The following SYNE1 variants were observed in gnomAD, a reference collection of about 807,000 sequenced individuals.
The protein encoded by SYNE1 is nesprin-1.
A neutral mutation model predicts 1,111.0 loss-of-function variants in SYNE1; 616 were observed. That is an observed-to-expected ratio of 0.55 (90% CI 0.52 to 0.59). SYNE1 has a LOEUF of 0.59. SYNE1 is among the 20% of genes least tolerant of loss of function. The pLI is 0.00. For synonymous variants in SYNE1, 3,855 were observed against 3,825.8 expected (o/e 1.01, Z -0.28); for missense variants, 10,006 against 10,417.0 (o/e 0.96, Z 1.72).
At chr6:152,562,082 CT>C (rs2099396839) in intron 3 of SYNE1, among the ~76,000 whole-genome samples, 1 of 152,158 alleles carries the variant, frequency 6.6e-6, no homozygotes, top group Non-Finnish European at 1.5e-5. Flanking sequence ...AACTAAAAAG[CT>C]TCTGCACAGC....
chr6:152,368,396 T>G (rs537912779), intron 61 of SYNE1: 3 of 154,020 alleles, frequency 1.9e-5, no homozygotes, highest in Admixed American at 1.3e-4. Context: ...GAAAAGAGGT[T>G]TAATCAGTTG....
chr6:152,538,769 T>C (rs2099255999), intron 4 of SYNE1, among the ~76,000 whole-genome samples: 1 of 151,998 alleles, frequency 6.6e-6, no homozygotes, highest in Admixed American at 6.6e-5. Context: ...ACAGAGCAGA[T>C]TGTGGGGCAA....
At chr6:152,545,215 T>C (rs2099303712) in intron 3 of SYNE1, among the ~76,000 whole-genome samples, 1 of 152,196 alleles carries the variant, frequency 6.6e-6, no homozygotes, top group Non-Finnish European at 1.5e-5. Context: ...AATCATAAAA[T>C]ATCATAAAGA....
chr6:152,619,378 G>T (rs1256368802), intron 3 of SYNE1, among the ~76,000 whole-genome samples: 1 of 152,132 alleles, frequency 6.6e-6, no homozygotes, highest in Non-Finnish European at 1.5e-5. Flanking sequence ...AGTTTTTCCA[G>T]ATGCAGATGC....
intron 3 of SYNE1, among the ~76,000 whole-genome samples, chr6:152,609,897 G>C (rs553885464): frequency 6.6e-6 from 1 of 152,330 alleles, no homozygotes; most frequent in South Asian, 2.1e-4. Flanking sequence ...ACCTGTAGCT[G>C]AGGGACCTGA....
At chr6:152,139,861 G>T in intron 140 of SYNE1, 89 bp downstream of exon 140, 1 of 1,378,788 alleles carries the variant, frequency 7.3e-7, no homozygotes, top group Non-Finnish European at 1.0e-6. Flanking sequence ...TGCTGTGTAA[G>T]AGCAGCTCGA....
chr6:152,360,533 C>T (rs1466013941), intron 64 of SYNE1, among the ~76,000 whole-genome samples: 1 of 152,194 alleles, frequency 6.6e-6, no homozygotes, highest in East Asian at 1.9e-4. Context: ...TTCTCTCTCA[C>T]ACCACACTAC....
chr6:152,224,082 G>A (rs548429929), intron 117 of SYNE1, among the ~76,000 whole-genome samples: 1 of 152,276 alleles, frequency 6.6e-6, no homozygotes, highest in South Asian at 2.1e-4. Flanking sequence ...GCAACTGAAT[G>A]GTTTAAACAT....
rs112325518 is a variant in SYNE1 at position 152,631,255 on chromosome 6, G to A, written c.-223-2701C>T. 2.9e-3 allele frequency among the ~76,000 whole-genome samples: 436 copies of A among 152,236 alleles called. 2 individuals carry two copies. The highest frequency in any genetic ancestry group is 0.01 in the African/African-American group (426 of 41,540). On this transcript the variant is annotated intron_variant, in intron 2 of 145. Coordinates refer to ENST00000367255, the MANE Select transcript of SYNE1 (RefSeq NM_182961.4). ...GGTTAGTCACTCAGGTGAAACATACGAAAGACACATCCTGGGCAGGGTGAA... is the reference window on the plus strand; with the variant it reads ...GGTTAGTCACTCAGGTGAAACATACAAAAGACACATCCTGGGCAGGGTGAA...
chr6:152,328,165 G>A (rs1161245873), intron 78 of SYNE1, among the ~76,000 whole-genome samples: 1 of 152,038 alleles, frequency 6.6e-6, no homozygotes, highest in Non-Finnish European at 1.5e-5. Flanking sequence ...CTTATAGGAT[G>A]TCATTTTCCT....
At chr6:152,533,020 A>G (rs2099212633) in intron 4 of SYNE1, among the ~76,000 whole-genome samples, 1 of 152,236 alleles carries the variant, frequency 6.6e-6, no homozygotes, top group African/African-American at 2.4e-5. Context: ...GACCAGATCA[A>G]GTAAATCATG....
intron 95 of SYNE1, among the ~76,000 whole-genome samples, chr6:152,292,729 T>C (rs571044447): frequency 3.2e-4 from 49 of 152,326 alleles, no homozygotes; most frequent in South Asian, 1.0e-3. Flanking sequence ...CATGCCATGC[T>C]TTCATAGCTC....
At position 152,334,049 on chromosome 6, in the gene SYNE1, C is replaced by G; in HGVS notation, c.12753G>C (p.Val4251=). The G allele has an allele frequency of 6.2e-7, 1 of 1,614,160 alleles. No individual in the cohort carries two copies. The highest frequency in any genetic ancestry group is 8.5e-7 in the Non-Finnish European group (1 of 1,180,028). Residue 4251 remains valine (V), a synonymous_variant, in exon 77 of 146, where the codon GTG becomes GTC. Transcript: ENST00000367255. ...ATTCTGTAGTAAATTTTTCTAGGAACACTTCAACAACATTCATACAGTCAT... is the reference window on the plus strand; with the variant it reads ...ATTCTGTAGTAAATTTTTCTAGGAAGACTTCAACAACATTCATACAGTCAT... ...DYHDCMNVVE[V]FLEKFTTEWD...
chr6:152,154,835 A>C, intron 133 of SYNE1, 57 bp downstream of exon 133: 7 of 1,591,336 alleles, frequency 4.4e-6, no homozygotes, highest in Non-Finnish European at 6.0e-6. Flanking sequence ...AACTCCAACT[A>C]CCAGCTGGCT....
At chr6:152,240,614 T>C (rs1335828878) in intron 107 of SYNE1, among the ~76,000 whole-genome samples, 1 of 152,220 alleles carries the variant, frequency 6.6e-6, no homozygotes, top group Non-Finnish European at 1.5e-5. Context: ...TGGCAACTGA[T>C]AATGACAGTT....
chr6:152,125,481 A>C, intron 145 of SYNE1: 10 of 1,216,014 alleles, frequency 8.2e-6, no homozygotes, highest in Non-Finnish European at 1.1e-5. Flanking sequence ...CAGTTTTCTC[A>C]TTTGCAATGA....
intron 56 of SYNE1, chr6:152,380,711 T>A: frequency 2.6e-6 from 1 of 390,762 alleles, no homozygotes; most frequent in East Asian, 6.1e-5. Context: ...TTTTTCAGAC[T>A]GAATGGCTGA....
At chr6:152,518,934 C>G (rs900871057) in intron 6 of SYNE1, among the ~76,000 whole-genome samples, 2 of 149,720 alleles carry the variant, frequency 1.3e-5, no homozygotes, top group African/African-American at 4.9e-5. Context: ...TACAATTGAA[C>G]AATGAGAGCA....
chr6:152,212,775 T>C (rs1204663562), intron 123 of SYNE1, among the ~76,000 whole-genome samples: 2 of 152,216 alleles, frequency 1.3e-5, no homozygotes, highest in Non-Finnish European at 2.9e-5. Flanking sequence ...CCAATTCCTT[T>C]ACACCCTCAC....
Sources: allele counts gnomAD v4.1 joint callset (sites outside exome capture counted in the v4.1 genomes callset), GRCh38; gene constraint gnomAD v4.1.1; transcripts MANE v1.5; gene names NCBI Gene and HGNC (gene_info 2026-07-23, HGNC 2026-07-21).